TYW1: variants seen among roughly 807,000 people sequenced by gnomAD.
TYW1 encodes tRNA-yW synthesizing protein 1 homolog, also known as S-adenosyl-L-methionine-dependent tRNA 4-demethylwyosine synthase TYW1.
A neutral mutation model predicts 96.2 loss-of-function variants in TYW1; 46 were observed. That is an observed-to-expected ratio of 0.48 (90% CI 0.38 to 0.61). The LOEUF (loss-of-function observed/expected upper bound fraction) is 0.61, where lower values mean the gene tolerates loss of function less well. Ranked by LOEUF, TYW1 falls within the 20% of genes least tolerant of loss-of-function variation. The probability of loss-of-function intolerance (pLI) is 0.00; values close to 1 mark genes in which losing one functional copy is unlikely to be tolerated. For missense variants in TYW1, 684 were observed against 909.6 expected, an observed-to-expected ratio of 0.75 and a Z score of 3.19; for synonymous variants, 274 against 323.0, an observed-to-expected ratio of 0.85 and a Z score of 1.63.
intron 12 of TYW1, among the ~76,000 whole-genome samples, chr7:67,100,096 T>G (rs1423478140): frequency 3.9e-5 from 6 of 151,950 alleles, no homozygotes; most frequent in African/African-American, 1.5e-4. Context: ...GACTAGGTAA[T>G]TACACTGAGG....
chr7:67,160,208 G>A (rs1307352575), intron 13 of TYW1, among the ~76,000 whole-genome samples: 1 of 152,140 alleles, frequency 6.6e-6, no homozygotes, highest in East Asian at 1.9e-4. Context: ...GCTGCAGTGA[G>A]CTGTGATTGC....
At chr7:67,010,581 TTC>T (rs1481650959) in intron 4 of TYW1, among the ~76,000 whole-genome samples, 1 of 151,910 alleles carries the variant, frequency 6.6e-6, no homozygotes, top group East Asian at 1.9e-4. Context: ...GTTCACGCCA[TTC>T]TCCTGCCTCA....
Position 67,238,914 on chromosome 7 carries a change from A to C in TYW1, c.*385A>C. 6 of 1,047,468 alleles carry C rather than the reference A, an allele frequency of 5.7e-6. No homozygotes were observed. Among genetic ancestry groups the C allele is most frequent in the Non-Finnish European group, 6.9e-6 (6 of 865,934 alleles). The allele number at this position is 1,047,468 out of a possible 1,614,324, so 64.9% of individuals were successfully genotyped here. ...GGCCTCTTCCCCTTACCCGGCCCTT[A>C]GATTTCATGGAGCAGCCACTTAGCA... On this transcript the variant is annotated 3_prime_UTR_variant, in exon 16 of 16. Coordinates refer to ENST00000359626, the MANE Select transcript of TYW1 (RefSeq NM_018264.4).
chr7:67,104,545 G>A lies in TYW1; in HGVS notation c.1562+5827G>A, dbSNP rs544744969. Among the ~76,000 whole-genome samples the A allele has an allele frequency of 2.0e-5, 3 of 152,070 alleles. No homozygotes were observed. The East Asian group carries it at 5.8e-4, about 29-fold the overall frequency. On this transcript the variant is annotated intron_variant, in intron 12 of 15. Transcript: ENST00000359626. ...ACATTGAGGATTATGAATTCAACAT[G>A]AGATTTGGGTGGGGACAGAGCCAGA...
At chr7:67,008,118 T>C (rs62466594) in intron 3 of TYW1, among the ~76,000 whole-genome samples, 5,524 of 152,132 alleles carry the variant, frequency 0.036, 154 homozygotes, top group Middle Eastern at 0.11. Context: ...GACTTATGTT[T>C]AGTGGTTTAT....
At chr7:67,132,159 G>T (rs888088181) in intron 13 of TYW1, among the ~76,000 whole-genome samples, 2 of 137,112 alleles carry the variant, frequency 1.5e-5, no homozygotes, top group African/African-American at 6.1e-5. Flanking sequence ...GCCCAGGGTG[G>T]AGTGCCACAA....
intron 13 of TYW1, among the ~76,000 whole-genome samples, chr7:67,135,302 G>GTTTTTGTTT (rs1285318169): frequency 4.5e-5 from 5 of 111,816 alleles, no homozygotes; most frequent in Admixed American, 2.0e-4. Context: ...TGTTAAAACA[G>GTTTTTGTTT]TTTTTTTTTT....
chr7:67,210,340 C>T (rs146123719), intron 15 of TYW1, among the ~76,000 whole-genome samples: 2,633 of 152,266 alleles, frequency 0.017, 43 homozygotes, highest in Non-Finnish European at 0.024. Flanking sequence ...GTCAAGGGCA[C>T]GCACCTACTG....
intron 15 of TYW1, among the ~76,000 whole-genome samples, chr7:67,198,534 G>C (rs1800481230): frequency 6.7e-6 from 1 of 148,420 alleles, no homozygotes; most frequent in African/African-American, 2.5e-5. Context: ...CTGGGCGACA[G>C]GGTGAGACTC....
chr7:67,108,166 T>G (rs1263279768), intron 12 of TYW1, among the ~76,000 whole-genome samples: 1 of 151,952 alleles, frequency 6.6e-6, no homozygotes, highest in Non-Finnish European at 1.5e-5. Flanking sequence ...AATGAGCTAC[T>G]GCGCCCAGAC....
At chr7:67,073,918 T>A (rs1796122381) in intron 10 of TYW1, among the ~76,000 whole-genome samples, 1 of 135,898 alleles carries the variant, frequency 7.4e-6, no homozygotes, top group South Asian at 2.4e-4. Flanking sequence ...CCGTCTCCAC[T>A]AAAAATAGAA....
At chr7:67,142,788 T>C (rs1406593059) in intron 13 of TYW1, among the ~76,000 whole-genome samples, 2 of 152,144 alleles carry the variant, frequency 1.3e-5, no homozygotes, top group Admixed American at 6.5e-5. Flanking sequence ...CAGTGGCTTA[T>C]GCCTGTAATC....
In TYW1 at chr7:67,085,329, T is replaced by C. The variant is rs560310557; in HGVS notation, c.1384+1790T>C. ...GTGGAGGTAATTGAAATGTGGGGGC[T>C]GTTTCCCCCATGGTGTTCTCATGAT... On this transcript the variant is annotated intron_variant, in intron 11 of 15. Transcript: ENST00000359626. Among the ~76,000 whole-genome samples, 20 of 152,300 alleles carry C rather than the reference T, an allele frequency of 1.3e-4. No homozygotes were observed. In the East Asian group the frequency reaches 2.7e-3, roughly 21 times the overall value.
chr7:67,077,673 T>C (rs1053513550), intron 10 of TYW1, among the ~76,000 whole-genome samples: 4 of 152,258 alleles, frequency 2.6e-5, no homozygotes, highest in African/African-American at 9.6e-5. Flanking sequence ...TTGGAAATAT[T>C]TTCTGTCATT....
chr7:67,128,690 GTTTT>G lies in TYW1; in HGVS notation c.1698+11087_1698+11090del, dbSNP rs59475781. 1.4e-3 allele frequency among the ~76,000 whole-genome samples: 196 copies of G among 137,012 alleles called. 1 individual carries two copies. Among genetic ancestry groups the G allele is most frequent in the African/African-American group, 4.3e-3 (164 of 37,754 alleles). 89.9% of individuals were successfully genotyped at this position (137,012 alleles called of 152,430 possible). On this transcript the variant is annotated intron_variant, in intron 13 of 15. Transcript: ENST00000359626. ...TGTAGTCTTATGATTAGGTCTCAGT[GTTTT>G]TTTTTTTTTTTTTTGAGACGGAGTC...
At chr7:67,049,694 G>A (rs1273606306) in intron 7 of TYW1, among the ~76,000 whole-genome samples, 1 of 151,936 alleles carries the variant, frequency 6.6e-6, no homozygotes. Context: ...TTACAGGTGT[G>A]AGCCACCATC....
At chr7:67,190,623 A>C (rs1800176841) in intron 14 of TYW1, among the ~76,000 whole-genome samples, 2 of 152,340 alleles carry the variant, frequency 1.3e-5, no homozygotes, top group South Asian at 2.1e-4. Flanking sequence ...ATATGGCCAA[A>C]GACAGGGGCT....
At chr7:67,109,736 C>T (rs1404967124) in intron 12 of TYW1, among the ~76,000 whole-genome samples, 16 of 152,014 alleles carry the variant, frequency 1.1e-4, no homozygotes, top group Non-Finnish European at 2.1e-4. Flanking sequence ...AAAAATTAGC[C>T]GGGTGTGGTG....
At chr7:67,236,213 C>T (rs1191083243) in intron 15 of TYW1, among the ~76,000 whole-genome samples, 2 of 152,132 alleles carry the variant, frequency 1.3e-5, no homozygotes, top group Non-Finnish European at 2.9e-5. Context: ...TTGGGCGTCA[C>T]GTGAGAGGAC....
Sources: allele counts gnomAD v4.1 joint callset (sites outside exome capture counted in the v4.1 genomes callset), GRCh38; gene constraint gnomAD v4.1.1; transcripts MANE v1.5; gene names NCBI Gene and HGNC (gene_info 2026-07-23, HGNC 2026-07-21).